Variants in RFX3 observed in about 807,000 individuals in gnomAD.
RFX3 encodes the protein transcription factor RFX3.
Under a neutral mutation model 98.6 loss-of-function variants are expected in RFX3, and 14 were observed. The ratio of observed to expected loss-of-function variants is 0.14; its 90% confidence interval spans 0.09 to 0.22. The LOEUF is 0.22. RFX3 is among the 10% of genes least tolerant of loss of function. The probability of loss-of-function intolerance (pLI) is 1.00; values close to 1 mark genes in which losing one functional copy is unlikely to be tolerated. For synonymous variants in RFX3, 383 were observed against 328.4 expected (o/e 1.17, Z -1.80); for missense variants, 639 against 926.9 (o/e 0.69, Z 4.03).
intron 7 of RFX3, among the ~76,000 whole-genome samples, chr9:3,281,147 T>G (rs958121154): frequency 2.6e-4 from 40 of 151,632 alleles, no homozygotes; most frequent in African/African-American, 8.2e-4. Context: ...AAATATAATT[T>G]TTCCAAGATG....
chr9:3,286,295 A>G (rs1313466944), intron 7 of RFX3, among the ~76,000 whole-genome samples: 1 of 151,824 alleles, frequency 6.6e-6, no homozygotes, highest in Non-Finnish European at 1.5e-5. Context: ...CACAAACTCT[A>G]TGAGGTACTA....
chr9:3,433,755 T>C (rs999560579), intron 1 of RFX3, among the ~76,000 whole-genome samples: 1 of 152,206 alleles, frequency 6.6e-6, no homozygotes, highest in African/African-American at 2.4e-5. Context: ...GTCACGCTAC[T>C]TGTTTACGGA....
intron 1 of RFX3, among the ~76,000 whole-genome samples, chr9:3,505,196 ATATT>A (rs1325891422): frequency 1.1e-5 from 1 of 88,064 alleles, no homozygotes; most frequent in Non-Finnish European, 1.8e-5. Flanking sequence ...ATATGAATAT[ATATT>A]TATATATATA....
At chr9:3,381,951 G>C (rs1168903931) in intron 2 of RFX3, among the ~76,000 whole-genome samples, 7 of 152,008 alleles carry the variant, frequency 4.6e-5, no homozygotes, top group Admixed American at 1.3e-4. Context: ...TTTGCTTGTT[G>C]TTTCAACTGG....
intron 4 of RFX3, among the ~76,000 whole-genome samples, chr9:3,320,560 T>C (rs1443307854): frequency 7.4e-6 from 1 of 135,690 alleles, no homozygotes; most frequent in African/African-American, 2.7e-5. Flanking sequence ...ACCCCCTCCA[T>C]AAAAAAAAAC....
intron 2 of RFX3, among the ~76,000 whole-genome samples, chr9:3,351,725 A>C (rs1038707477): frequency 3.3e-5 from 5 of 152,028 alleles, no homozygotes; most frequent in African/African-American, 1.2e-4. Flanking sequence ...CATTAAACAT[A>C]ATCAGATAAC....
intron 1 of RFX3, among the ~76,000 whole-genome samples, chr9:3,502,699 G>C (rs1222785469): frequency 6.6e-6 from 1 of 151,988 alleles, no homozygotes; most frequent in Non-Finnish European, 1.5e-5. Flanking sequence ...TTATTTTCAC[G>C]ATTTTTTTTT....
At chr9:3,291,075 C>T (rs368765865) in intron 6 of RFX3, among the ~76,000 whole-genome samples, 1 of 152,130 alleles carries the variant, frequency 6.6e-6, no homozygotes, top group Non-Finnish European at 1.5e-5. Flanking sequence ...AACAAACAGG[C>T]CTTGCTGGGC....
chr9:3,307,777 T>G (rs1225644948), intron 4 of RFX3, among the ~76,000 whole-genome samples: 2 of 152,232 alleles, frequency 1.3e-5, no homozygotes, highest in East Asian at 3.9e-4. Context: ...TCAACTGTAG[T>G]GCAAAGTACT....
At chr9:3,247,516 T>C (rs1220361263) in intron 15 of RFX3, 2 of 820,190 alleles carry the variant, frequency 2.4e-6, no homozygotes, top group Non-Finnish European at 3.1e-6. Flanking sequence ...TTGCATTAAG[T>C]GCTTTATTAC....
Position 3,301,611 on chromosome 9 carries a change from C to A in RFX3, c.484G>T (p.Ala162Ser). The A allele has an allele frequency of 6.3e-7, 1 of 1,598,726 alleles. No individual in the cohort carries two copies. The highest frequency in any genetic ancestry group is 2.2e-5 in the East Asian group (1 of 44,636). ...TCAGACTTTTGCAGCGTCTCAATCG[C>A]CATTTCAATCTGATAATAGATGTCA... ...TRASPATIEM[A>S]IETLQKSDGL... The change falls in exon 5 of 17, where the codon GCG becomes TCG. Residue 162 changes from alanine (A) to serine (S), a missense_variant. Physicochemically the swap from Ala to Ser is moderately conservative, Grantham distance 99. This residue lies in a region of RFX3 where 16 missense variants were observed against 30.0 expected (regional missense o/e 0.53). Transcript: ENST00000617270.
intron 1 of RFX3, among the ~76,000 whole-genome samples, chr9:3,478,154 T>C (rs1025427420): frequency 6.6e-6 from 1 of 152,176 alleles, no homozygotes; most frequent in African/African-American, 2.4e-5. Flanking sequence ...GGGACTTTTT[T>C]TGTTCGTTTT....
At chr9:3,408,427 T>C (rs1842154590) in intron 1 of RFX3, among the ~76,000 whole-genome samples, 1 of 152,126 alleles carries the variant, frequency 6.6e-6, no homozygotes, top group Non-Finnish European at 1.5e-5. Flanking sequence ...CCTTGATCTT[T>C]TCATTTTGTT....
chr9:3,263,537 A>C (rs1010746493), intron 12 of RFX3, among the ~76,000 whole-genome samples: 1 of 152,278 alleles, frequency 6.6e-6, no homozygotes, highest in East Asian at 1.9e-4. Context: ...TACTCTTTAC[A>C]TTGTATTTAA....
At chr9:3,441,997 C>T (rs752286903) in intron 1 of RFX3, among the ~76,000 whole-genome samples, 6 of 151,990 alleles carry the variant, frequency 3.9e-5, no homozygotes, top group Non-Finnish European at 7.4e-5. Flanking sequence ...GTCAGGAGTT[C>T]GAGACCAGCC....
chr9:3,446,925 G>T (rs939991591), intron 1 of RFX3, among the ~76,000 whole-genome samples: 3 of 151,970 alleles, frequency 2.0e-5, no homozygotes, highest in African/African-American at 7.2e-5. Context: ...AAATCAAGAA[G>T]CTTTGAGAAC....
intron 14 of RFX3, among the ~76,000 whole-genome samples, chr9:3,254,793 G>A (rs1023335732): frequency 3.3e-5 from 5 of 152,124 alleles, no homozygotes; most frequent in East Asian, 1.9e-4. Flanking sequence ...CTGTGATAAC[G>A]CATTTCAAAT....
At chr9:3,444,345 A>C (rs888754935) in intron 1 of RFX3, among the ~76,000 whole-genome samples, 2 of 152,174 alleles carry the variant, frequency 1.3e-5, no homozygotes, top group African/African-American at 4.8e-5. Flanking sequence ...TATTATTATA[A>C]AGTTCTGGAA....
chr9:3,393,644 G>C (rs937173747), intron 2 of RFX3, among the ~76,000 whole-genome samples: 1 of 149,126 alleles, frequency 6.7e-6, no homozygotes, highest in Admixed American at 6.6e-5. Flanking sequence ...ATAAGGTTCA[G>C]AGTCTTAAAA....
Sources: gnomAD v4.1 joint callset for allele counts (sites outside exome capture counted in the v4.1 genomes callset) on GRCh38, gnomAD v4.1.1 for gene constraint, gnomAD v4.1.1 regional missense constraint, MANE v1.5 for transcripts, NCBI Gene and HGNC (gene_info 2026-07-23, HGNC 2026-07-21) for gene names.